RBM34: variants seen among roughly 807,000 people sequenced by gnomAD.
RBM34 encodes RNA-binding protein 34.
RBM34 carries 39 observed loss-of-function variants against 44.6 expected under a neutral mutation model. That is an observed-to-expected ratio of 0.87 (90% CI 0.68 to 1.14). The LOEUF (loss-of-function observed/expected upper bound fraction) is 1.14, where lower values mean the gene tolerates loss of function less well. Ranked by LOEUF, RBM34 falls within the 50% of genes most tolerant of loss-of-function variation. The probability of loss-of-function intolerance (pLI) is 0.00; values close to 1 mark genes in which losing one functional copy is unlikely to be tolerated. For missense variants in RBM34, 572 were observed against 517.9 expected, an observed-to-expected ratio of 1.10 and a Z score of -1.01; for synonymous variants, 194 against 184.0, an observed-to-expected ratio of 1.05 and a Z score of -0.44.
In RBM34 at chr1:235,148,915, A is replaced by C. The variant is rs1344039319; in HGVS notation, c.658-468T>G. 2.0e-5 allele frequency among the ~76,000 whole-genome samples: 3 copies of C among 151,904 alleles called. No individual in the cohort carries two copies. The East Asian group carries it at 5.8e-4, about 29-fold the overall frequency. ...GGCTGGCCAATCATCTTAATGCTAT[A>C]TGAAACGAAGCTCGTGGCTTAGGAT... is the stretch of plus-strand genomic sequence containing the variant. On this transcript the variant is annotated intron_variant, in intron 5 of 10. Coordinates refer to ENST00000408888, the MANE Select transcript of RBM34 (RefSeq NM_015014.4).
At position 235,142,999 on chromosome 1, in the gene RBM34, C is replaced by A. The variant is rs1572151842; in HGVS notation, c.702-4825G>T. Reference sequence around the variant, plus strand: ...ACTGGAGCAAAATATCTGAAACACACATAGCAGGAAAAGGTGTTATATCTA... The same window carrying A: ...ACTGGAGCAAAATATCTGAAACACAAATAGCAGGAAAAGGTGTTATATCTA... On this transcript the variant is annotated intron_variant, in intron 6 of 10. Coordinates refer to ENST00000408888, the MANE Select transcript of RBM34 (RefSeq NM_015014.4). Among the ~76,000 whole-genome samples the A allele has an allele frequency of 2.7e-5, 4 of 148,822 alleles. No individual in the cohort carries two copies. The South Asian group carries it at 8.4e-4, about 31-fold the overall frequency.
chr1:235,157,980 T>C (rs989847567), intron 3 of RBM34, among the ~76,000 whole-genome samples: 1 of 151,688 alleles, frequency 6.6e-6, no homozygotes. Context: ...CAGACTACTT[T>C]TCTTAAAAGC....
At chr1:235,136,184 C>T (rs1661422017) in intron 8 of RBM34, 111 bp from the exon 9 acceptor site, 1 of 817,172 alleles carries the variant, frequency 1.2e-6, no homozygotes, top group African/African-American at 1.7e-5. Context: ...CACCCATCTT[C>T]TAATTTAACC....
intron 3 of RBM34, among the ~76,000 whole-genome samples, chr1:235,158,185 C>T (rs958848186): frequency 1.3e-5 from 2 of 151,842 alleles, no homozygotes; most frequent in African/African-American, 2.4e-5. Context: ...GAGGCCAAGG[C>T]GGGTGGATCA....
At chr1:235,155,356 CTTT>C (rs1662353724) in intron 3 of RBM34, among the ~76,000 whole-genome samples, 2 of 145,354 alleles carry the variant, frequency 1.4e-5, no homozygotes, top group Admixed American at 1.4e-4. Context: ...TTTTTTTTTT[CTTT>C]GAGACAGGGT....
rs899832357 is a variant in RBM34 at position 235,160,206 on chromosome 1, C to A, written c.365+305G>T. 3.9e-5 allele frequency: 19 copies of A among 493,342 alleles called. 2 individuals are homozygous for A. The Middle Eastern group carries it at 3.0e-3, about 78-fold the overall frequency. 30.6% of individuals were successfully genotyped at this position (493,342 alleles called of 1,614,324 possible). A position where few individuals can be genotyped will look rare whatever the true frequency, so the allele number is the denominator to read the frequency against. On this transcript the variant is annotated intron_variant, in intron 3 of 10. Transcript: ENST00000408888. ...AGCGGAGGTTGCAGTGAGCTGAGATCACTGCACTCTACTGCAGCCTGGGCG... is the reference window on the plus strand; with the variant it reads ...AGCGGAGGTTGCAGTGAGCTGAGATAACTGCACTCTACTGCAGCCTGGGCG...
At position 235,160,496 on chromosome 1, in the gene RBM34, G is replaced by T. The variant is rs369827316; in HGVS notation, c.365+15C>A. On this transcript the variant is annotated intron_variant, in intron 3 of 10. Coordinates refer to ENST00000408888, the MANE Select transcript of RBM34 (RefSeq NM_015014.4). Reference sequence around the variant, plus strand: ...ATCTAATTTCTTTAACATCAAATAAGAGAATTTTACCAACCTGTCTGCCAA... The same window carrying T: ...ATCTAATTTCTTTAACATCAAATAATAGAATTTTACCAACCTGTCTGCCAA... 4.4e-6 allele frequency: 7 copies of T among 1,604,918 alleles called. No individual in the cohort carries two copies. Among genetic ancestry groups the T allele is most frequent in the Non-Finnish European group, 5.1e-6 (6 of 1,176,398 alleles).
Position 235,152,754 on chromosome 1 carries a change from C to A in RBM34, c.609G>T (p.Ser203=). The change falls in exon 5 of 11, where the codon TCG becomes TCT. Residue 203 remains serine (S), a synonymous_variant. Coordinates refer to ENST00000408888, the MANE Select transcript of RBM34 (RefSeq NM_015014.4). The stretch of plus-strand genomic sequence containing the variant: ...CTATTTGTCCATACTCTTTAAAAAA[C>A]GACTTCAGCTTCTAAAATTAAAAAA... ...PVTCNKKKLK[S]FFKEYGQIES... The A allele has an allele frequency of 6.3e-7, 1 of 1,577,996 alleles. No individual in the cohort carries two copies. Among genetic ancestry groups the A allele is most frequent in the Non-Finnish European group, 8.6e-7 (1 of 1,162,952 alleles).
At chr1:235,160,170 T>C (rs910073635) in intron 3 of RBM34, 3 of 431,112 alleles carry the variant, frequency 7.0e-6, no homozygotes, top group African/African-American at 6.1e-5. Context: ...GAGAATCGCT[T>C]GAACCTGGGA....
chr1:235,155,816 CATATACATATATAT>C (rs1287953165), intron 3 of RBM34, among the ~76,000 whole-genome samples: 5 of 72,724 alleles, frequency 6.9e-5, no homozygotes, highest in Non-Finnish European at 1.0e-4. Context: ...TTTATACATA[CATATACATATATAT>C]ATATATATAT....
intron 3 of RBM34, chr1:235,156,723 G>A: frequency 2.4e-6 from 1 of 417,140 alleles, no homozygotes; most frequent in Non-Finnish European, 4.8e-6. Flanking sequence ...GAGCTAATAA[G>A]AATCATAAAA....
In RBM34 at chr1:235,139,258, C is replaced by T. The variant is rs1229579292; in HGVS notation, c.702-1084G>A. 3.9e-5 allele frequency among the ~76,000 whole-genome samples: 6 copies of T among 152,268 alleles called. No homozygotes were observed. In the East Asian group the frequency reaches 1.2e-3, roughly 29 times the overall value. On this transcript the variant is annotated intron_variant, in intron 6 of 10. Transcript: ENST00000408888. Reference sequence around the variant, plus strand: ...CAAATGAGTATCATCAAGAAGGGAACTGGAAAATAGTGCCTGACATGACTG... The same window carrying T: ...CAAATGAGTATCATCAAGAAGGGAATTGGAAAATAGTGCCTGACATGACTG...
intron 10 of RBM34, among the ~76,000 whole-genome samples, chr1:235,134,597 A>G (rs1176485197): frequency 2.0e-5 from 3 of 152,262 alleles, no homozygotes; most frequent in Non-Finnish European, 4.4e-5. Context: ...ATCATACAGA[A>G]GGTAGAGAAG....
chr1:235,143,927 G>C (rs752033451), intron 6 of RBM34, among the ~76,000 whole-genome samples: 50 of 152,074 alleles, frequency 3.3e-4, no homozygotes, highest in Non-Finnish European at 5.9e-4. Flanking sequence ...GCCTGTAATT[G>C]CAACACTTTG....
Position 235,137,955 on chromosome 1 carries a change from C to A in RBM34, c.786-15G>T. On this transcript the variant is annotated splice_polypyrimidine_tract_variant and intron_variant, in intron 7 of 10. Transcript: ENST00000408888. ...GGGCCCCATTTCTGTATTATAAATACAAAGGGAAAATGGTTGTTAAAAATG... is the reference window on the plus strand; with the variant it reads ...GGGCCCCATTTCTGTATTATAAATAAAAAGGGAAAATGGTTGTTAAAAATG... 1 of 1,595,316 alleles carries A rather than the reference C, an allele frequency of 6.3e-7. No homozygotes were observed.
chr1:235,137,708 G>A (rs778138215), intron 8 of RBM34, among the ~76,000 whole-genome samples, 169 bp downstream of exon 8: 4 of 152,088 alleles, frequency 2.6e-5, no homozygotes, highest in African/African-American at 7.2e-5. Context: ...TGTTGACCTC[G>A]GTCCTTGTGC....
At chr1:235,156,922 A>C (rs1194231508) in intron 3 of RBM34, among the ~76,000 whole-genome samples, 1 of 152,246 alleles carries the variant, frequency 6.6e-6, no homozygotes, top group Non-Finnish European at 1.5e-5. Context: ...CAGAGGAGGA[A>C]ATCAGTGTCT....
intron 3 of RBM34, chr1:235,160,123 G>A (rs920530063): frequency 1.8e-4 from 59 of 332,770 alleles, no homozygotes; most frequent in African/African-American, 1.2e-3. Context: ...GCATGGTGAC[G>A]CAGGCCTGTA....
rs1468294367 is a variant in RBM34, at chr1:235,144,360, A to C, written c.701+4044T>G. 2.6e-5 allele frequency among the ~76,000 whole-genome samples: 4 copies of C among 152,208 alleles called. No individual in the cohort carries two copies. In the East Asian group the frequency reaches 7.7e-4, roughly 29 times the overall value. On this transcript the variant is annotated intron_variant, in intron 6 of 10. Coordinates refer to ENST00000408888, the MANE Select transcript of RBM34 (RefSeq NM_015014.4). ...ACAGAGGTGGAGGGACATATTGCAG[A>C]GGGTTAGAAGAAACTCGAGATGATA... is the stretch of plus-strand genomic sequence containing the variant.
Sources: gnomAD v4.1 joint callset for allele counts (sites outside exome capture counted in the v4.1 genomes callset) on GRCh38, gnomAD v4.1.1 for gene constraint, MANE v1.5 for transcripts, NCBI Gene and HGNC (gene_info 2026-07-23, HGNC 2026-07-21) for gene names.